Variants in TMPRSS11F observed in about 807,000 individuals in gnomAD.
The protein encoded by TMPRSS11F is transmembrane serine protease 11F.
Under a neutral mutation model 60.2 loss-of-function variants are expected in TMPRSS11F, and 47 were observed. That is an observed-to-expected ratio of 0.78 (90% CI 0.62 to 1.00). The LOEUF (loss-of-function observed/expected upper bound fraction) is 1.00. TMPRSS11F is among the 50% of genes least tolerant of loss of function. The pLI, the probability that TMPRSS11F is intolerant of heterozygous loss-of-function variation, is 0.00. For synonymous variants in TMPRSS11F, 166 were observed against 167.3 expected (o/e 0.99, Z 0.06); for missense variants, 519 against 522.9 (o/e 0.99, Z 0.07).
At chr4:68,117,341 C>T (rs577294207) in intron 1 of TMPRSS11F, among the ~76,000 whole-genome samples, 2 of 151,662 alleles carry the variant, frequency 1.3e-5, no homozygotes, top group Non-Finnish European at 2.9e-5. Flanking sequence ...GTGGCAGGTG[C>T]CTGTAGTCCC....
intron 1 of TMPRSS11F, among the ~76,000 whole-genome samples, chr4:68,105,823 G>A (rs1322661019): frequency 6.6e-6 from 1 of 152,032 alleles, no homozygotes; most frequent in African/African-American, 2.4e-5. Context: ...ATGACGTCTA[G>A]AAGCATAAAC....
In TMPRSS11F at chr4:68,062,644, T is replaced by C. The variant is rs182592083; in HGVS notation, c.1015+2041A>G. ...GTTCTTCTCCAGAGCTGTTGAGACC[T>C]AAATAAATCCAGCCTATCATCTTTC... On this transcript the variant is annotated intron_variant, in intron 8 of 9. Coordinates refer to ENST00000356291, the MANE Select transcript of TMPRSS11F (RefSeq NM_207407.2). The C allele has an allele frequency of 1.1e-4, 85 of 791,750 alleles. No individual in the cohort carries two copies. The African/African-American group carries it at 1.3e-3, about 12-fold the overall frequency. The allele number at this position is 791,750 out of a possible 1,614,324, so 49.0% of individuals were successfully genotyped here. A position where few individuals can be genotyped will look rare whatever the true frequency, so the allele number is the denominator to read the frequency against.
At chr4:68,056,430 CAA>C (rs1194059648) in intron 9 of TMPRSS11F, among the ~76,000 whole-genome samples, 2 of 87,180 alleles carry the variant, frequency 2.3e-5, no homozygotes, top group African/African-American at 4.2e-5. Flanking sequence ...ACAATAGCAA[CAA>C]AAAAAAAATA....
At chr4:68,113,648 C>T (rs1480127983) in intron 1 of TMPRSS11F, among the ~76,000 whole-genome samples, 1 of 152,134 alleles carries the variant, frequency 6.6e-6, no homozygotes, top group Non-Finnish European at 1.5e-5. Context: ...GAAGCAAATA[C>T]TGTTATAATG....
At chr4:68,054,132 T>C (rs1722994710) in intron 9 of TMPRSS11F, 65 bp from the exon 10 acceptor site, 3 of 1,473,968 alleles carry the variant, frequency 2.0e-6, no homozygotes, top group East Asian at 2.3e-5. Flanking sequence ...TATTGTAATC[T>C]GACGTTCACA....
intron 8 of TMPRSS11F, among the ~76,000 whole-genome samples, chr4:68,060,351 C>CAAAAAA (rs1347255741): frequency 1.3e-3 from 152 of 121,540 alleles, no homozygotes; most frequent in African/African-American, 4.5e-3. Flanking sequence ...ACTAAAAATA[C>CAAAAAA]AAAAAAAAAA....
intron 1 of TMPRSS11F, among the ~76,000 whole-genome samples, chr4:68,112,094 T>A (rs999428968): frequency 6.6e-6 from 1 of 152,208 alleles, no homozygotes; most frequent in Non-Finnish European, 1.5e-5. Context: ...TCTGCTCAAA[T>A]GTCTTCTTCT....
intron 2 of TMPRSS11F, among the ~76,000 whole-genome samples, chr4:68,091,777 C>A (rs144763708): frequency 0.56 from 63,343 of 113,750 alleles, 14,405 homozygotes; most frequent in Non-Finnish European, 0.64. Flanking sequence ...CTCTCTCTCT[C>A]TCTCTCTATC....
chr4:68,058,910 T>C (rs1390559147), intron 9 of TMPRSS11F, among the ~76,000 whole-genome samples: 2 of 152,088 alleles, frequency 1.3e-5, no homozygotes, highest in African/African-American at 4.8e-5. Context: ...CTGAAGAGTA[T>C]AGAAGATCAC....
intron 8 of TMPRSS11F, chr4:68,062,274 C>CA: frequency 2.4e-6 from 1 of 424,956 alleles, no homozygotes; most frequent in South Asian, 1.7e-5. Flanking sequence ...AACTTCAAAT[C>CA]AAAAACATCT....
At chr4:68,113,919 T>C (rs1290469437) in intron 1 of TMPRSS11F, among the ~76,000 whole-genome samples, 2 of 152,144 alleles carry the variant, frequency 1.3e-5, no homozygotes, top group Non-Finnish European at 2.9e-5. Context: ...AAATAAATCT[T>C]ATAAAGTATG....
intron 7 of TMPRSS11F, among the ~76,000 whole-genome samples, chr4:68,066,759 C>A (rs565064063): frequency 6.6e-6 from 1 of 151,958 alleles, no homozygotes; most frequent in South Asian, 2.1e-4. Context: ...CACGGTGAAA[C>A]CCTGTCACTA....
At chr4:68,122,176 A>C (rs1724636868) in intron 1 of TMPRSS11F, among the ~76,000 whole-genome samples, 1 of 152,168 alleles carries the variant, frequency 6.6e-6, no homozygotes, top group Non-Finnish European at 1.5e-5. Flanking sequence ...TTAACTGTTG[A>C]GCTTTAAAAG....
rs376135067 is a variant in TMPRSS11F at position 68,054,312 on chromosome 4, G to GT, written c.1159-246dup. ...ATTAATTCTGTATCAGTATCCTTAG[G>GT]TTTTTTTTTTCTAGTTTGAACAGGC... On this transcript the variant is annotated intron_variant, in intron 9 of 9. Transcript: ENST00000356291. 2.0e-3 allele frequency among the ~76,000 whole-genome samples: 297 copies of GT among 148,576 alleles called. 1 individual carries two copies. The highest frequency in any genetic ancestry group is 2.3e-3 in the African/African-American group (95 of 40,628).
intron 8 of TMPRSS11F, chr4:68,062,775 G>C (rs371088689): frequency 1.3e-6 from 1 of 743,208 alleles, no homozygotes; most frequent in African/African-American, 1.7e-5. Flanking sequence ...GGATTTGGCC[G>C]CCCTCTGCGG....
chr4:68,060,600 C>CTT lies in TMPRSS11F; in HGVS notation c.1016-1134_1016-1133dup, dbSNP rs998124744. ...CCTTGACAGAAACATAAGTATCTCT[C>CTT]TTTTTTTTTTTCAGGTTCTAATTCC... On this transcript the variant is annotated intron_variant, in intron 8 of 9. Coordinates refer to ENST00000356291, the MANE Select transcript of TMPRSS11F (RefSeq NM_207407.2). Among the ~76,000 whole-genome samples the CTT allele has an allele frequency of 7.9e-5, 9 of 113,344 alleles. No homozygotes were observed. In the South Asian group the frequency reaches 1.0e-3, roughly 13 times the overall value. The allele number at this position is 113,344 out of a possible 152,430, so 74.4% of individuals were successfully genotyped here. A position where few individuals can be genotyped will look rare whatever the true frequency, so the allele number is the denominator to read the frequency against.
chr4:68,091,317 C>T (rs907340719), intron 2 of TMPRSS11F, among the ~76,000 whole-genome samples: 5 of 152,148 alleles, frequency 3.3e-5, no homozygotes, highest in Middle Eastern at 6.8e-3. Context: ...GGCCATACGT[C>T]GCAGTCACCT....
chr4:68,123,810 A>G (rs533475086), intron 1 of TMPRSS11F, among the ~76,000 whole-genome samples: 9 of 152,338 alleles, frequency 5.9e-5, no homozygotes, highest in African/African-American at 1.4e-4. Context: ...GGCAAACCCA[A>G]TCCTTAACAA....
intron 1 of TMPRSS11F, among the ~76,000 whole-genome samples, chr4:68,099,566 C>T (rs1411758838): frequency 6.6e-6 from 1 of 152,132 alleles, no homozygotes; most frequent in Non-Finnish European, 1.5e-5. Flanking sequence ...ACCTCCATTA[C>T]TCAAAAATAT....
Sources: allele counts gnomAD v4.1 joint callset (sites outside exome capture counted in the v4.1 genomes callset), GRCh38; gene constraint gnomAD v4.1.1; transcripts MANE v1.5; gene names NCBI Gene and HGNC (gene_info 2026-07-23, HGNC 2026-07-21).